Variants in GNAT1 observed in about 807,000 individuals in gnomAD.
The protein encoded by GNAT1 is G protein subunit alpha transducin 1, also known as guanine nucleotide-binding protein G(t) subunit alpha-1.
In GNAT1, 36 loss-of-function variants were observed where a neutral mutation model predicts 40.0. The observed-to-expected ratio is 0.90, with a 90% CI of 0.69 to 1.19. The LOEUF (loss-of-function observed/expected upper bound fraction) is 1.19, where lower values mean the gene tolerates loss of function less well. GNAT1 is among the 50% of genes most tolerant of loss of function. GNAT1 has a pLI of 0.00. For synonymous variants in GNAT1, 195 were observed against 192.9 expected (o/e 1.01, Z -0.09); for missense variants, 413 against 480.6 (o/e 0.86, Z 1.32).
intron 1 of GNAT1, among the ~76,000 whole-genome samples, chr3:50,192,516 C>T (rs546254004): frequency 3.3e-5 from 5 of 152,362 alleles, no homozygotes; most frequent in Admixed American, 3.3e-4. Context: ...CCAAGCTCCC[C>T]AGGGTCTGGT....
chr3:50,192,778 G>A, intron 1 of GNAT1: 1 of 459,658 alleles, frequency 2.2e-6, no homozygotes, highest in Non-Finnish European at 4.0e-6. Flanking sequence ...GGTACCAGAG[G>A]CTCCCACGAG....
rs940268662 is a variant in GNAT1 at position 50,194,523 on chromosome 3, A to C, written c.731A>C (p.His244Pro). 7 of 1,613,410 alleles carry C rather than the reference A, an allele frequency of 4.3e-6. 1 individual carries two copies. Among genetic ancestry groups the C allele is most frequent in the Non-Finnish European group, 5.9e-6 (7 of 1,179,836 alleles). The part of the protein sequence containing the change: ...DEVNRMHESL[H>P]LFNSICNHRY... The stretch of plus-strand genomic sequence containing the variant: ...CAGAACCGCATGCACGAGAGCCTGC[A>C]CCTGTTCAACAGCATCTGCAACCAC... The change falls in exon 7 of 9, where the codon CAC (histidine) becomes CCC (proline). Residue 244 changes from histidine to proline, a missense_variant. Coordinates refer to ENST00000232461, the MANE Select transcript of GNAT1 (RefSeq NM_144499.3). The surrounding 1 kb of genome is among the most constrained non-coding windows in gnomAD (Gnocchi z 6.1).
chr3:50,192,299 C>T (rs994679968), intron 1 of GNAT1, among the ~76,000 whole-genome samples: 2 of 152,176 alleles, frequency 1.3e-5, no homozygotes, highest in Non-Finnish European at 2.9e-5. Flanking sequence ...AGATCCACAA[C>T]GAATGGCCCT....
chr3:50,194,716 C>G lies in GNAT1; in HGVS notation c.863-49C>G, dbSNP rs755915594. 5.6e-6 allele frequency: 9 copies of G among 1,609,972 alleles called. No homozygotes were observed. Among genetic ancestry groups the G allele is most frequent in the South Asian group, 5.5e-5 (5 of 91,016 alleles). On this transcript the variant is annotated intron_variant, in intron 7 of 8. Coordinates refer to ENST00000232461, the MANE Select transcript of GNAT1 (RefSeq NM_144499.3). The surrounding 1 kb of genome is among the most constrained non-coding windows in gnomAD (Gnocchi z 6.1). ...CCCCACGATCGCGGCGCGCACCCCCCGCACGGGGAAGGAAGGGCTGAGCAG... is the reference window on the plus strand; with the variant it reads ...CCCCACGATCGCGGCGCGCACCCCCGGCACGGGGAAGGAAGGGCTGAGCAG...
Position 50,194,209 on chromosome 3 carries a change from G to A in GNAT1, c.696G>A (p.Glu232=), listed in dbSNP as rs2109139528. The change falls in exon 6 of 9, where the codon GAG becomes GAA. Residue 232 remains glutamate (E), a synonymous_variant. Coordinates refer to ENST00000232461, the MANE Select transcript of GNAT1 (RefSeq NM_144499.3). This position sits in a 1 kb window ranked among gnomAD's most constrained non-coding sequence, Gnocchi z 6.1. ...ALSAYDMVLV[E]DDEVNRMHES... ...GCGCCTACGACATGGTGCTAGTGGA[G>A]GACGACGAAGTGGTGCGTGCCAGGC... The A allele has an allele frequency of 2.5e-6, 4 of 1,609,278 alleles. No homozygotes were observed. Among genetic ancestry groups the A allele is most frequent in the Non-Finnish European group, 3.4e-6 (4 of 1,177,802 alleles).
intron 1 of GNAT1, chr3:50,192,794 G>A: frequency 4.1e-6 from 2 of 483,724 alleles, no homozygotes; most frequent in Non-Finnish European, 7.5e-6. Flanking sequence ...ACGAGGTGGC[G>A]ATGACGCTCC....
Position 50,194,707 on chromosome 3 carries a change from C to A in GNAT1, c.862+53C>A. 1 of 1,607,626 alleles carries A rather than the reference C, an allele frequency of 6.2e-7. No homozygotes were observed. Among genetic ancestry groups the A allele is most frequent in the Admixed American group, 1.7e-5 (1 of 59,982 alleles). ...GCGCCCCCGCCCCACGATCGCGGCG[C>A]GCACCCCCCGCACGGGGAAGGAAGG... On this transcript the variant is annotated intron_variant, in intron 7 of 8. Transcript: ENST00000232461. This position sits in a 1 kb window ranked among gnomAD's most constrained non-coding sequence, Gnocchi z 6.1.
Position 50,193,694 on chromosome 3 carries a change from C to T in GNAT1, c.449+31C>T, listed in dbSNP as rs754499648. 1.2e-6 allele frequency: 2 copies of T among 1,604,008 alleles called. No homozygotes were observed. The highest frequency in any genetic ancestry group is 1.7e-5 in the Admixed American group (1 of 59,048). On this transcript the variant is annotated intron_variant, in intron 4 of 8. Transcript: ENST00000232461. This position sits in a 1 kb window ranked among gnomAD's most constrained non-coding sequence, Gnocchi z 8.1. ...CGCGCGGGCAGCGCGGGGCGCGGGG[C>T]GCGGGGCGCAGGGGGCCCTCCACGC...
Position 50,193,575 on chromosome 3 carries a change from G to A in GNAT1, c.361G>A (p.Asp121Asn). ...GGGCACGATGCCCAAGGAGATGTCG[G>A]ACATCATCCAGCGGCTGTGGAAGGA... ...EEGTMPKEMS[D>N]IIQRLWKDSG... is the part of the protein sequence containing the mutation. The change falls in exon 4 of 9, where the codon GAC becomes AAC. Residue 121 changes from aspartate to asparagine, a missense_variant. By Grantham distance (23) the Asp-to-Asn change is conservative. Transcript: ENST00000232461. This position sits in a 1 kb window ranked among gnomAD's most constrained non-coding sequence, Gnocchi z 8.1. 2 of 1,613,200 alleles carry A rather than the reference G, an allele frequency of 1.2e-6. No homozygotes were observed. Among genetic ancestry groups the A allele is most frequent in the Non-Finnish European group, 1.7e-6 (2 of 1,179,888 alleles).
At position 50,196,642 on chromosome 3, in the gene GNAT1, C is replaced by G. The variant is rs766209614; in HGVS notation, c.*1376C>G. The G allele has an allele frequency of 2.0e-5, 3 of 152,490 alleles. No homozygotes were observed. The highest frequency in any genetic ancestry group is 4.4e-5 in the Non-Finnish European group (3 of 68,066). The allele number at this position is 152,490 out of a possible 1,614,324, so 9.4% of individuals were successfully genotyped here. The stretch of plus-strand genomic sequence containing the variant: ...TCCCAGGAAGAAGTACCTGGCCTGA[C>G]AAGGTGGGGCACTCTTGGGGGTATG... On this transcript the variant is annotated 3_prime_UTR_variant, in exon 9 of 9. Coordinates refer to ENST00000232461, the MANE Select transcript of GNAT1 (RefSeq NM_144499.3).
At position 50,191,693 on chromosome 3, in the gene GNAT1, G is replaced by A. The variant is rs557645233; in HGVS notation, c.-33G>A. 2 of 1,497,080 alleles carry A rather than the reference G, an allele frequency of 1.3e-6. No homozygotes were observed. The highest frequency in any genetic ancestry group is 1.9e-6 in the Non-Finnish European group (2 of 1,073,420). The allele number at this position is 1,497,080 out of a possible 1,614,324, so 92.7% of individuals were successfully genotyped here. On this transcript the variant is annotated 5_prime_UTR_variant, in exon 1 of 9. Coordinates refer to ENST00000232461, the MANE Select transcript of GNAT1 (RefSeq NM_144499.3). ...TCCCCTCCATCCAGAAGAACCACCTGCTCACTCTGTCCCTTCGCCTGCTGC... is the reference window on the plus strand; with the variant it reads ...TCCCCTCCATCCAGAAGAACCACCTACTCACTCTGTCCCTTCGCCTGCTGC...
Position 50,193,033 on chromosome 3 carries a change from G to C in GNAT1, c.107-100G>C. ...GCTGGCGCTCAGGCCTCTTCGCTGCGGGTCCACCCTGCCAACTCGGGAGGT... is the reference window on the plus strand; with the variant it reads ...GCTGGCGCTCAGGCCTCTTCGCTGCCGGTCCACCCTGCCAACTCGGGAGGT... On this transcript the variant is annotated intron_variant, in intron 1 of 8. Coordinates refer to ENST00000232461, the MANE Select transcript of GNAT1 (RefSeq NM_144499.3). This position sits in a 1 kb window ranked among gnomAD's most constrained non-coding sequence, Gnocchi z 8.1. The C allele has an allele frequency of 1.6e-6, 2 of 1,264,726 alleles. No individual in the cohort carries two copies. The highest frequency in any genetic ancestry group is 2.3e-6 in the Non-Finnish European group (2 of 886,116). 78.3% of individuals were successfully genotyped at this position (1,264,726 alleles called of 1,614,324 possible).
At position 50,194,420 on chromosome 3, in the gene GNAT1, C is replaced by A; in HGVS notation, c.709-81C>A. 2.6e-6 allele frequency: 4 copies of A among 1,519,282 alleles called. No homozygotes were observed. Among genetic ancestry groups the A allele is most frequent in the Non-Finnish European group, 3.6e-6 (4 of 1,108,766 alleles). The allele number at this position is 1,519,282 out of a possible 1,614,324, so 94.1% of individuals were successfully genotyped here. A position where few individuals can be genotyped will look rare whatever the true frequency, so the allele number is the denominator to read the frequency against. ...TCTGAGAGCCAGCTGAGCGGGAAGC[C>A]CCGCGTGCCCGGGAGCCCAGAGAGC... is the stretch of plus-strand genomic sequence containing the variant. On this transcript the variant is annotated intron_variant, in intron 6 of 8. Coordinates refer to ENST00000232461, the MANE Select transcript of GNAT1 (RefSeq NM_144499.3). The surrounding 1 kb of genome is among the most constrained non-coding windows in gnomAD (Gnocchi z 6.1).
Position 50,193,500 on chromosome 3 carries a change from C to A in GNAT1, c.292-6C>A. 6.2e-7 allele frequency: 1 copy of A among 1,613,300 alleles called. No homozygotes were observed. Among genetic ancestry groups the A allele is most frequent in the East Asian group, 2.2e-5 (1 of 44,868 alleles). ...CCGCCACCAGCCACTCTCACCCTGC[C>A]CCCAGGACGACGCCCGGAAGCTGAT... is the stretch of plus-strand genomic sequence containing the variant. On this transcript the variant is annotated splice_region_variant and splice_polypyrimidine_tract_variant and intron_variant, in intron 3 of 8. Coordinates refer to ENST00000232461, the MANE Select transcript of GNAT1 (RefSeq NM_144499.3). This position sits in a 1 kb window ranked among gnomAD's most constrained non-coding sequence, Gnocchi z 8.1.
chr3:50,194,637 G>A lies in GNAT1; in HGVS notation c.845G>A (p.Cys282Tyr). The A allele has an allele frequency of 6.2e-7, 1 of 1,613,444 alleles. No homozygotes were observed. The highest frequency in any genetic ancestry group is 8.5e-7 in the Non-Finnish European group (1 of 1,179,820). Reference sequence around the variant, plus strand: ...ATCAAGAAGGCGCACCTCAGCATCTGTTTCCCGGACTACGATGGTGAGAAG... The same window carrying A: ...ATCAAGAAGGCGCACCTCAGCATCTATTTCCCGGACTACGATGGTGAGAAG... ...EKIKKAHLSI[C>Y]FPDYDGPNTY... is the part of the protein sequence containing the mutation. The change falls in exon 7 of 9, where the codon TGT becomes TAT. Residue 282 changes from cysteine to tyrosine, a missense_variant. Physicochemically the swap from Cys to Tyr is radical, Grantham distance 194. Coordinates refer to ENST00000232461, the MANE Select transcript of GNAT1 (RefSeq NM_144499.3). This position sits in a 1 kb window ranked among gnomAD's most constrained non-coding sequence, Gnocchi z 6.1.
Position 50,195,366 on chromosome 3 carries a change from T to G in GNAT1, c.*100T>G. 1 of 289,494 alleles carries G rather than the reference T, an allele frequency of 3.5e-6. No individual in the cohort carries two copies. 17.9% of individuals were successfully genotyped at this position (289,494 alleles called of 1,614,324 possible). A position where few individuals can be genotyped will look rare whatever the true frequency, so the allele number is the denominator to read the frequency against. On this transcript the variant is annotated 3_prime_UTR_variant, in exon 9 of 9. Coordinates refer to ENST00000232461, the MANE Select transcript of GNAT1 (RefSeq NM_144499.3). ...ACCCTATCAGCCCCCTGGGACTCCC[T>G]GGCCCCAACCTGCCACCTCACCAAA...
rs772624047 is a variant in GNAT1, at chr3:50,193,289, G to A, written c.174G>A (p.Ser58=). ...QMKIIHQDGY[S]LEECLEFIAI... ...GGATTATCCACCAGGACGGGTACTC[G>A]CTGGAAGAGTGCCTCGAGTTTATCG... The change falls in exon 3 of 9, where the codon TCG becomes TCA. Residue 58 remains serine (S), a synonymous_variant. Transcript: ENST00000232461. The surrounding 1 kb of genome is among the most constrained non-coding windows in gnomAD (Gnocchi z 8.1). 2 of 1,614,160 alleles carry A rather than the reference G, an allele frequency of 1.2e-6. No homozygotes were observed. The highest frequency in any genetic ancestry group is 1.1e-5 in the South Asian group (1 of 91,084).
rs370062256 is a variant in GNAT1 at position 50,194,720 on chromosome 3, C to T, written c.863-45C>T. 6.2e-7 allele frequency: 1 copy of T among 1,610,164 alleles called. No individual in the cohort carries two copies. The highest frequency in any genetic ancestry group is 8.5e-7 in the Non-Finnish European group (1 of 1,177,558). On this transcript the variant is annotated intron_variant, in intron 7 of 8. Coordinates refer to ENST00000232461, the MANE Select transcript of GNAT1 (RefSeq NM_144499.3). This position sits in a 1 kb window ranked among gnomAD's most constrained non-coding sequence, Gnocchi z 6.1. ...ACGATCGCGGCGCGCACCCCCCGCA[C>T]GGGGAAGGAAGGGCTGAGCAGAGTG...
Position 50,193,441 on chromosome 3 carries a change from G to A in GNAT1, c.291+35G>A, listed in dbSNP as rs1699445835. The A allele has an allele frequency of 6.2e-7, 1 of 1,613,008 alleles. No homozygotes were observed. Among genetic ancestry groups the A allele is most frequent in the Non-Finnish European group, 8.5e-7 (1 of 1,179,812 alleles). The stretch of plus-strand genomic sequence containing the variant: ...GAGGCGGGCTGAGCGGGCCTCTGGG[G>A]ACTCGAGGCTCGCGGCTGGGCCCGA... On this transcript the variant is annotated intron_variant, in intron 3 of 8. Transcript: ENST00000232461. The surrounding 1 kb of genome is among the most constrained non-coding windows in gnomAD (Gnocchi z 8.1).
Sources: gnomAD v4.1 joint callset for allele counts (sites outside exome capture counted in the v4.1 genomes callset) on GRCh38, gnomAD v4.1.1 for gene constraint, Gnocchi (gnomAD v3.1) non-coding constraint, MANE v1.5 for transcripts, NCBI Gene and HGNC (gene_info 2026-07-23, HGNC 2026-07-21) for gene names.